Variants in STAU1 observed in about 807,000 individuals in gnomAD.
STAU1 encodes double-stranded RNA-binding protein Staufen homolog 1.
STAU1 carries 13 observed loss-of-function variants against 62.9 expected under a neutral mutation model. That is an observed-to-expected ratio of 0.21 (90% CI 0.13 to 0.33). The LOEUF is 0.33. Among genes scored for constraint, STAU1 ranks in the 10% least tolerant of loss-of-function variants. The pLI is 1.00. For synonymous variants in STAU1, 269 were observed against 265.1 expected, an observed-to-expected ratio of 1.01 and a Z score of -0.14; for missense variants, 571 against 712.1, an observed-to-expected ratio of 0.80 and a Z score of 2.25.
intron 7 of STAU1, 84 bp downstream of exon 7, chr20:49,124,291 C>G (rs1209348335): frequency 6.9e-7 from 1 of 1,442,772 alleles, no homozygotes; most frequent in Non-Finnish European, 9.5e-7. Context: ...TCCCCTTTCA[C>G]CTTGGGGACA....
intron 2 of STAU1, among the ~76,000 whole-genome samples, chr20:49,171,971 A>G (rs1255150586): frequency 2.0e-5 from 3 of 152,194 alleles, no homozygotes; most frequent in Non-Finnish European, 4.4e-5. Context: ...CTCAAGACAA[A>G]GACAGAGATT....
chr20:49,126,777 C>T (rs1041711131), intron 6 of STAU1, among the ~76,000 whole-genome samples: 1 of 151,592 alleles, frequency 6.6e-6, no homozygotes, highest in Non-Finnish European at 1.5e-5. Flanking sequence ...TAAGGTCACT[C>T]GATTTTTGGC....
intron 5 of STAU1, among the ~76,000 whole-genome samples, chr20:49,145,715 C>G (rs1320516032): frequency 6.6e-6 from 1 of 150,988 alleles, no homozygotes; most frequent in African/African-American, 2.4e-5. Flanking sequence ...GGCAACAGAG[C>G]GAGACTCCGT....
At chr20:49,137,340 C>T (rs1455605624) in intron 5 of STAU1, among the ~76,000 whole-genome samples, 5 of 152,108 alleles carry the variant, frequency 3.3e-5, no homozygotes, top group Admixed American at 6.6e-5. Context: ...ACTTAAGAGT[C>T]GTCCAATCAG....
intron 5 of STAU1, among the ~76,000 whole-genome samples, chr20:49,143,953 T>C (rs1181518018): frequency 1.3e-5 from 2 of 152,196 alleles, no homozygotes; most frequent in Non-Finnish European, 2.9e-5. Flanking sequence ...AGATTCCAAG[T>C]CCATCTCCAA....
upstream of STAU1, among the ~76,000 whole-genome samples, chr20:49,191,986 G>T (rs1333793897): frequency 6.6e-6 from 1 of 152,042 alleles, no homozygotes; most frequent in Non-Finnish European, 1.5e-5. Context: ...GGGAGGCAGA[G>T]GTTTCAGTGA....
At chr20:49,134,561 T>C in intron 6 of STAU1, 1 of 1,298,502 alleles carries the variant, frequency 7.7e-7, no homozygotes. Flanking sequence ...CAGAAGTCAA[T>C]TCAAAGGACC....
chr20:49,143,359 C>T (rs993204686), intron 5 of STAU1, among the ~76,000 whole-genome samples: 25 of 152,184 alleles, frequency 1.6e-4, no homozygotes, highest in African/African-American at 4.8e-4. Context: ...TGAGAGGCCA[C>T]GGTGGGCGGA....
the STAU1 span, among the ~76,000 whole-genome samples, chr20:49,206,741 A>G: frequency 4.1e-4 from 53 of 130,566 alleles, 1 homozygote; most frequent in South Asian, 0.012. Flanking sequence ...ATATATATAT[A>G]TATATATATA....
upstream of STAU1, among the ~76,000 whole-genome samples, chr20:49,191,791 C>T (rs1042065876): frequency 6.6e-6 from 1 of 152,160 alleles, no homozygotes; most frequent in African/African-American, 2.4e-5. Context: ...TGGCTTACAC[C>T]TGTAATCCCA....
chr20:49,129,078 A>G (rs980904530), intron 6 of STAU1, among the ~76,000 whole-genome samples: 1 of 151,916 alleles, frequency 6.6e-6, no homozygotes, highest in African/African-American at 2.4e-5. Flanking sequence ...ACTTGAATTC[A>G]GAATATATAT....
At chr20:49,134,290 G>T (rs541281845) in intron 6 of STAU1, among the ~76,000 whole-genome samples, 1 of 151,998 alleles carries the variant, frequency 6.6e-6, no homozygotes, top group Non-Finnish European at 1.5e-5. Flanking sequence ...AATTAGCTCG[G>T]CATGGTGGCG....
upstream of STAU1, among the ~76,000 whole-genome samples, chr20:49,189,468 C>T (rs919173258): frequency 1.3e-5 from 2 of 150,568 alleles, no homozygotes; most frequent in Admixed American, 6.7e-5. Flanking sequence ...AACCCCGTCT[C>T]TACTAGCCGG....
intron 6 of STAU1, among the ~76,000 whole-genome samples, chr20:49,125,181 T>G (rs2092570678): frequency 8.9e-6 from 1 of 111,808 alleles, no homozygotes; most frequent in Non-Finnish European, 1.8e-5. Flanking sequence ...AGACACACAT[T>G]TATAAGCTCA....
the STAU1 span, among the ~76,000 whole-genome samples, chr20:49,202,230 A>AAAAAAGAAAGAAAGAAAGAAAG: frequency 7.7e-6 from 1 of 130,394 alleles, no homozygotes; most frequent in African/African-American, 2.9e-5. Flanking sequence ...AAAAAAAAAA[A>AAAAAAGAAAGAAAGAAAGAAAG]AAAGAAAGAA....
intron 5 of STAU1, among the ~76,000 whole-genome samples, chr20:49,143,365 G>A (rs1027754426): frequency 2.0e-5 from 3 of 152,068 alleles, no homozygotes; most frequent in African/African-American, 7.2e-5. Flanking sequence ...GCCACGGTGG[G>A]CGGATCACTT....
chr20:49,127,391 C>T (rs1408170943), intron 6 of STAU1, among the ~76,000 whole-genome samples: 2 of 151,768 alleles, frequency 1.3e-5, no homozygotes, highest in Admixed American at 6.6e-5. Context: ...AAATAAACTG[C>T]TCATCAAAAG....
At chr20:49,115,709 A>G in intron 13 of STAU1, 73 bp downstream of exon 13, 2 of 1,273,750 alleles carry the variant, frequency 1.6e-6, no homozygotes, top group Non-Finnish European at 2.3e-6. Context: ...GAGTCAGCAG[A>G]TAGTGTAAAC....
intron 6 of STAU1, chr20:49,135,003 G>C: frequency 3.7e-6 from 6 of 1,601,456 alleles, no homozygotes; most frequent in Non-Finnish European, 5.1e-6. Context: ...AGTCTTTCAG[G>C]ACCTGGACAG....
Sources: allele counts gnomAD v4.1 joint callset (sites outside exome capture counted in the v4.1 genomes callset), GRCh38; gene constraint gnomAD v4.1.1; transcripts MANE v1.5; gene names NCBI Gene and HGNC (gene_info 2026-07-23, HGNC 2026-07-21).